The following PLOD2 variants were observed in gnomAD, a reference collection of about 807,000 sequenced individuals.
PLOD2 encodes the protein lysine hydroxylase 2.
In PLOD2, 65 loss-of-function variants were observed where a neutral mutation model predicts 101.0. That is an observed-to-expected ratio of 0.64 (90% CI 0.53 to 0.79). PLOD2 has a LOEUF of 0.79. Ranked by LOEUF, PLOD2 falls within the 30% of genes least tolerant of loss-of-function variation. The probability of loss-of-function intolerance (pLI) is 0.00; values close to 1 mark genes in which losing one functional copy is unlikely to be tolerated. For missense variants in PLOD2, 909 were observed against 914.6 expected, an observed-to-expected ratio of 0.99 and a Z score of 0.08; for synonymous variants, 314 against 302.9, an observed-to-expected ratio of 1.04 and a Z score of -0.38.
chr3:146,103,624 T>G (rs1937467629), intron 6 of PLOD2, among the ~76,000 whole-genome samples: 1 of 152,098 alleles, frequency 6.6e-6, no homozygotes. Flanking sequence ...GACTAGATTT[T>G]AAGAATCTTT....
chr3:146,155,166 T>C (rs2032238286), intron 1 of PLOD2, among the ~76,000 whole-genome samples: 1 of 151,996 alleles, frequency 6.6e-6, no homozygotes, highest in Non-Finnish European at 1.5e-5. Flanking sequence ...TTTAAGGTGG[T>C]AAGCAGAATA....
intron 8 of PLOD2, among the ~76,000 whole-genome samples, chr3:146,090,094 T>C (rs1317932226): frequency 2.0e-5 from 3 of 151,140 alleles, no homozygotes; most frequent in African/African-American, 4.8e-5. Context: ...TTTATACAAA[T>C]AGAATATCAT....
At position 146,081,720 on chromosome 3, in the gene PLOD2, T is replaced by C. The variant is rs1936545299; in HGVS notation, c.1358+18A>G. 2.5e-6 allele frequency: 4 copies of C among 1,591,878 alleles called. No homozygotes were observed. Among genetic ancestry groups the C allele is most frequent in the Non-Finnish European group, 3.4e-6 (4 of 1,160,662 alleles). On this transcript the variant is annotated intron_variant, in intron 12 of 19. Coordinates refer to ENST00000282903, the MANE Select transcript of PLOD2 (RefSeq NM_182943.3). Reference sequence around the variant, plus strand: ...GATTATGGTATTTCACATTAAAATATTAAACCAAGTAACTTACACTCTATT... The same window carrying C: ...GATTATGGTATTTCACATTAAAATACTAAACCAAGTAACTTACACTCTATT...
At position 146,073,001 on chromosome 3, in the gene PLOD2, C is replaced by T. The variant is rs144852074; in HGVS notation, c.1743+286G>A. 2.4e-3 allele frequency among the ~76,000 whole-genome samples: 371 copies of T among 151,702 alleles called. 1 individual carries two copies. The highest frequency in any genetic ancestry group is 8.2e-3 in the African/African-American group (341 of 41,482). On this transcript the variant is annotated intron_variant, in intron 16 of 19. Coordinates refer to ENST00000282903, the MANE Select transcript of PLOD2 (RefSeq NM_182943.3). The stretch of plus-strand genomic sequence containing the variant: ...AAGATAAGCTTTCACTGCAAGAGTT[C>T]TACATCAGAGATCTGTCAACAGTTT...
chr3:146,120,038 A>C (rs2029977806), intron 3 of PLOD2, among the ~76,000 whole-genome samples: 3 of 152,036 alleles, frequency 2.0e-5, no homozygotes, highest in Non-Finnish European at 4.4e-5. Context: ...ACAATGGTTG[A>C]ACTAGTTTAC....
In PLOD2 at chr3:146,119,997, A is replaced by G. The variant is rs2029973279; in HGVS notation, c.338+1115T>C. ...TGGGTCAAATGGTATTTCTAGTTCT[A>G]GATCCCTGAGGAATCACCACACTGA... On this transcript the variant is annotated intron_variant, in intron 3 of 19. Transcript: ENST00000282903. Among the ~76,000 whole-genome samples, 4 of 152,130 alleles carry G rather than the reference A, an allele frequency of 2.6e-5. No individual in the cohort carries two copies. In the South Asian group the frequency reaches 8.3e-4, roughly 32 times the overall value.
chr3:146,079,323 CT>C, intron 12 of PLOD2, 66 bp from the exon 13 acceptor site: 1 of 1,238,242 alleles, frequency 8.1e-7, no homozygotes, highest in Non-Finnish European at 1.2e-6. Context: ...TCATTTTTAC[CT>C]TTTTAAAATA....
chr3:146,078,216 A>G (rs1405678833), intron 13 of PLOD2, among the ~76,000 whole-genome samples: 1 of 151,862 alleles, frequency 6.6e-6, no homozygotes, highest in East Asian at 1.9e-4. Context: ...AAAAATGAGT[A>G]AGAGAGGCCA....
Position 146,079,116 on chromosome 3 carries a change from C to T in PLOD2, c.1500G>A (p.Met500Ile). 1 of 1,612,474 alleles carries T rather than the reference C, an allele frequency of 6.2e-7. No homozygotes were observed. The highest frequency in any genetic ancestry group is 1.1e-5 in the South Asian group (1 of 91,060). The change falls in exon 13 of 20, where the codon ATG becomes ATA. Residue 500 changes from methionine to isoleucine, a missense_variant and splice_region_variant. Physicochemically the swap from Met to Ile is conservative, Grantham distance 10 (BLOSUM62 1). Coordinates refer to ENST00000282903, the MANE Select transcript of PLOD2 (RefSeq NM_182943.3). ...DMALCRNARE[M>I]TLQREKDSPT... Reference sequence around the variant, plus strand: ...AGCAAGCCATCACTGCATATCTTACCATTTCTCTAGCATTTCGGCAAAGAG... The same window carrying T: ...AGCAAGCCATCACTGCATATCTTACTATTTCTCTAGCATTTCGGCAAAGAG...
chr3:146,086,720 AG>A lies in PLOD2; in HGVS notation c.1127+66del, dbSNP rs768467850. The A allele has an allele frequency of 2.6e-3, 3,054 of 1,160,746 alleles. 8 individuals are homozygous for A. Among genetic ancestry groups the A allele is most frequent in the Non-Finnish European group, 3.4e-3 (2,865 of 836,132 alleles). 71.9% of individuals were successfully genotyped at this position (1,160,746 alleles called of 1,614,324 possible). ...TTTGGCATAACAATTTTAATTTAAA[AG>A]TTTATTTTTTCTTAACGTTTCCTTA... On this transcript the variant is annotated intron_variant, in intron 10 of 19. Transcript: ENST00000282903.
At chr3:146,139,676 TTC>T (rs1351275176) in intron 1 of PLOD2, among the ~76,000 whole-genome samples, 5 of 152,160 alleles carry the variant, frequency 3.3e-5, no homozygotes, top group African/African-American at 1.2e-4. Context: ...TCAGAGGATT[TTC>T]TCTCTTTTTC....
In PLOD2 at chr3:146,083,536, C is replaced by T. The variant is rs149429400; in HGVS notation, c.1232+1633G>A. Among the ~76,000 whole-genome samples, 384 of 150,164 alleles carry T rather than the reference C, an allele frequency of 2.6e-3. 1 individual carries two copies. Among genetic ancestry groups the T allele is most frequent in the African/African-American group, 8.6e-3 (350 of 40,930 alleles). ...ATGGAGACACAGCCTGAGTTTTACTCTTTAAGGGGCAAGGGCCCCAGATGG... is the reference window on the plus strand; with the variant it reads ...ATGGAGACACAGCCTGAGTTTTACTTTTTAAGGGGCAAGGGCCCCAGATGG... On this transcript the variant is annotated intron_variant, in intron 11 of 19. Coordinates refer to ENST00000282903, the MANE Select transcript of PLOD2 (RefSeq NM_182943.3).
At chr3:146,083,032 T>C (rs138361984) in intron 11 of PLOD2, among the ~76,000 whole-genome samples, 1 of 152,142 alleles carries the variant, frequency 6.6e-6, no homozygotes, top group Non-Finnish European at 1.5e-5. Context: ...CTGGAAATAA[T>C]AACATGAATT....
rs570021017 is a variant in PLOD2, at chr3:146,114,123, C to T, written c.339-3675G>A. ...GTCAGACCAGTTGTCTGCTCTCAAA[C>T]CCTGTCTCCTGATAAGACGTTATCA... On this transcript the variant is annotated intron_variant, in intron 3 of 19. Coordinates refer to ENST00000282903, the MANE Select transcript of PLOD2 (RefSeq NM_182943.3). Among the ~76,000 whole-genome samples, 3 of 152,218 alleles carry T rather than the reference C, an allele frequency of 2.0e-5. No individual in the cohort carries two copies. The South Asian group carries it at 6.2e-4, about 32-fold the overall frequency.
Position 146,071,373 on chromosome 3 carries a change from G to C in PLOD2, c.1899C>G (p.His633Gln), listed in dbSNP as rs1296425489. ...CATTCTCCAGATCAACTTGCTTCATGTGGATATCATCAGTTGGGACATTTT... is the reference window on the plus strand; with the variant it reads ...CATTCTCCAGATCAACTTGCTTCATCTGGATATCATCAGTTGGGACATTTT... ...GYENVPTDDI[H>Q]MKQVDLENVW... Residue 633 changes from histidine (H) to glutamine (Q), a missense_variant, in exon 18 of 20, where the codon CAC becomes CAG. His to Gln is a conservative substitution (Grantham distance 24, BLOSUM62 0). Transcript: ENST00000282903. The C allele has an allele frequency of 6.2e-7, 1 of 1,611,526 alleles. No individual in the cohort carries two copies. Among genetic ancestry groups the C allele is most frequent in the Non-Finnish European group, 8.5e-7 (1 of 1,178,298 alleles).
At chr3:146,151,185 C>T (rs1291547426) in intron 1 of PLOD2, among the ~76,000 whole-genome samples, 1 of 152,172 alleles carries the variant, frequency 6.6e-6, no homozygotes, top group African/African-American at 2.4e-5. Flanking sequence ...GTCTCTACCA[C>T]CATTCTGACA....
chr3:146,114,458 G>A (rs1407313935), intron 3 of PLOD2, among the ~76,000 whole-genome samples: 24 of 152,030 alleles, frequency 1.6e-4, no homozygotes. Context: ...AAAGTATCCA[G>A]CCAACAGTCC....
intron 1 of PLOD2, among the ~76,000 whole-genome samples, chr3:146,148,460 T>C (rs1238070519): frequency 6.6e-6 from 1 of 150,918 alleles, no homozygotes; most frequent in African/African-American, 2.4e-5. Context: ...ATCAGAGGAA[T>C]GAGAAAAAAA....
chr3:146,126,388 C>CT (rs1020591691), intron 1 of PLOD2, among the ~76,000 whole-genome samples: 5 of 151,842 alleles, frequency 3.3e-5, no homozygotes, highest in South Asian at 2.1e-4. Flanking sequence ...CACCCACATG[C>CT]TTTTTTTTAA....
Sources: allele counts gnomAD v4.1 joint callset (sites outside exome capture counted in the v4.1 genomes callset), GRCh38; gene constraint gnomAD v4.1.1; transcripts MANE v1.5; gene names NCBI Gene and HGNC (gene_info 2026-07-23, HGNC 2026-07-21).